PRKAR2A: variants seen among roughly 807,000 people sequenced by gnomAD.
The protein encoded by PRKAR2A is protein kinase cAMP-dependent type II regulatory subunit alpha.
Under a neutral mutation model 51.9 loss-of-function variants are expected in PRKAR2A, and 29 were observed. That is an observed-to-expected ratio of 0.56 (90% CI 0.42 to 0.76). PRKAR2A has a LOEUF of 0.76. Ranked by LOEUF, PRKAR2A falls within the 30% of genes least tolerant of loss-of-function variation. The pLI, the probability that PRKAR2A is intolerant of heterozygous loss-of-function variation, is 0.00. For missense variants in PRKAR2A, 445 were observed against 512.1 expected (o/e 0.87, Z 1.26); for synonymous variants, 178 against 186.2 (o/e 0.96, Z 0.36).
At chr3:48,837,647 A>T (rs778842526) in intron 1 of PRKAR2A, among the ~76,000 whole-genome samples, 1 of 152,232 alleles carries the variant, frequency 6.6e-6, no homozygotes, top group Non-Finnish European at 1.5e-5. Flanking sequence ...TATTCGTAGC[A>T]GCATTATTCA....
chr3:48,847,841 C>A lies in PRKAR2A; in HGVS notation c.-245G>T. The A allele has an allele frequency of 2.8e-6, 1 of 361,170 alleles. No individual in the cohort carries two copies. The highest frequency in any genetic ancestry group is 4.9e-6 in the Non-Finnish European group (1 of 205,388). The allele number at this position is 361,170 out of a possible 1,614,324, so 22.4% of individuals were successfully genotyped here. ...GCCGCCGCGGGGACCGACGGGCAGG[C>A]GAGCTGGACGGGCGGGGCAGGCGTC... On this transcript the variant is annotated 5_prime_UTR_variant, in exon 1 of 11. Transcript: ENST00000265563. This position sits in a 1 kb window ranked among gnomAD's most constrained non-coding sequence, Gnocchi z 4.4.
At chr3:48,835,534 G>A (rs751171284) in intron 1 of PRKAR2A, among the ~76,000 whole-genome samples, 5 of 151,638 alleles carry the variant, frequency 3.3e-5, no homozygotes, top group African/African-American at 7.3e-5. Context: ...CCAGCTACTC[G>A]GGAGGCTGGG....
intron 1 of PRKAR2A, among the ~76,000 whole-genome samples, chr3:48,834,300 C>T (rs931472197): frequency 1.3e-5 from 2 of 152,006 alleles, no homozygotes; most frequent in Admixed American, 6.6e-5. Context: ...AGTAGCTCTC[C>T]TGTGAGGTAG....
In PRKAR2A at chr3:48,847,708, C is replaced by G; in HGVS notation, c.-112G>C. 1 of 1,088,430 alleles carries G rather than the reference C, an allele frequency of 9.2e-7. No individual in the cohort carries two copies. Among genetic ancestry groups the G allele is most frequent in the Non-Finnish European group, 1.2e-6 (1 of 820,344 alleles). 67.4% of individuals were successfully genotyped at this position (1,088,430 alleles called of 1,614,324 possible). On this transcript the variant is annotated 5_prime_UTR_variant, in exon 1 of 11. Transcript: ENST00000265563. The surrounding 1 kb of genome is among the most constrained non-coding windows in gnomAD (Gnocchi z 4.4). ...CCGCGAGGTCTCTTCGCGCACGGCC[C>G]CGGCTCACGTCGCGCCGCTCTTTGG...
chr3:48,768,492 G>A (rs1034299627), intron 6 of PRKAR2A, among the ~76,000 whole-genome samples: 3 of 151,798 alleles, frequency 2.0e-5, no homozygotes, highest in Admixed American at 6.6e-5. Flanking sequence ...GAGGTCAGGA[G>A]TTCGAGACCA....
At chr3:48,836,366 C>A (rs2107454580) in intron 1 of PRKAR2A, among the ~76,000 whole-genome samples, 1 of 142,506 alleles carries the variant, frequency 7.0e-6, no homozygotes, top group South Asian at 2.2e-4. Context: ...TTGCAGTGAG[C>A]CAAGATTGTG....
intron 8 of PRKAR2A, among the ~76,000 whole-genome samples, chr3:48,759,481 G>A (rs1403571810): frequency 6.6e-6 from 1 of 151,926 alleles, no homozygotes; most frequent in Non-Finnish European, 1.5e-5. Context: ...CTACCTCCTG[G>A]GTTCAAGTGA....
intron 4 of PRKAR2A, among the ~76,000 whole-genome samples, chr3:48,788,976 C>A (rs1003786053): frequency 6.6e-6 from 1 of 151,828 alleles, no homozygotes; most frequent in Non-Finnish European, 1.5e-5. Context: ...CTAGGCCCTG[C>A]AGAAACACAC....
chr3:48,760,907 A>C (rs1347118412), intron 8 of PRKAR2A, among the ~76,000 whole-genome samples: 2 of 151,750 alleles, frequency 1.3e-5, no homozygotes, highest in Non-Finnish European at 2.9e-5. Context: ...GTATTGCTTG[A>C]GCCTAGAAGT....
rs530383130 is a variant in PRKAR2A, at chr3:48,756,694, G to A, written c.874-250C>T. Among the ~76,000 whole-genome samples the A allele has an allele frequency of 1.2e-3, 188 of 152,192 alleles. 1 individual carries two copies. The South Asian group carries it at 0.013, about 10-fold the overall frequency. On this transcript the variant is annotated intron_variant, in intron 8 of 10. Coordinates refer to ENST00000265563, the MANE Select transcript of PRKAR2A (RefSeq NM_004157.4). Reference sequence around the variant, plus strand: ...GTCTGAGTCAGGCATGCAGATATACGCGAAGCAGCTTTCAGGCACACTTCA... The same window carrying A: ...GTCTGAGTCAGGCATGCAGATATACACGAAGCAGCTTTCAGGCACACTTCA...
intron 5 of PRKAR2A, among the ~76,000 whole-genome samples, chr3:48,780,794 G>A (rs1360711659): frequency 1.3e-5 from 2 of 151,708 alleles, no homozygotes; most frequent in African/African-American, 4.8e-5. Context: ...TTAAAAATGA[G>A]GAGAATAATT....
At chr3:48,836,874 G>A (rs1242592343) in intron 1 of PRKAR2A, among the ~76,000 whole-genome samples, 1 of 151,720 alleles carries the variant, frequency 6.6e-6, no homozygotes, top group Non-Finnish European at 1.5e-5. Flanking sequence ...GCTCACATCT[G>A]TAATCCCAGC....
intron 5 of PRKAR2A, among the ~76,000 whole-genome samples, chr3:48,782,120 T>C (rs79914959): frequency 1.7e-3 from 252 of 152,318 alleles, no homozygotes; most frequent in Non-Finnish European, 2.4e-3. Flanking sequence ...AGTGAGAGTG[T>C]TTCTTTCAGG....
At chr3:48,775,493 G>A (rs2082092895) in intron 5 of PRKAR2A, among the ~76,000 whole-genome samples, 1 of 149,456 alleles carries the variant, frequency 6.7e-6, no homozygotes, top group African/African-American at 2.5e-5. Flanking sequence ...CTATTGATCG[G>A]CAATAATGGC....
chr3:48,780,184 A>C (rs1215433234), intron 5 of PRKAR2A, among the ~76,000 whole-genome samples: 1 of 151,822 alleles, frequency 6.6e-6, no homozygotes, highest in Non-Finnish European at 1.5e-5. Context: ...AAAAAAACCT[A>C]TTCTGTCATT....
At chr3:48,761,443 T>C (rs1266746277) in intron 8 of PRKAR2A, among the ~76,000 whole-genome samples, 1 of 152,170 alleles carries the variant, frequency 6.6e-6, no homozygotes, top group Non-Finnish European at 1.5e-5. Context: ...TTAGATGTGC[T>C]ATAGATGGAA....
intron 3 of PRKAR2A, among the ~76,000 whole-genome samples, chr3:48,792,680 C>T (rs1191075336): frequency 1.3e-5 from 2 of 151,682 alleles, no homozygotes; most frequent in African/African-American, 4.8e-5. Context: ...AGGCTGGTCT[C>T]GAACTCCTGA....
intron 1 of PRKAR2A, among the ~76,000 whole-genome samples, chr3:48,842,999 C>T (rs2107470552): frequency 6.6e-6 from 1 of 152,188 alleles, no homozygotes; most frequent in East Asian, 1.9e-4. Flanking sequence ...GTACCAGTTC[C>T]TCCTTGTACC....
intron 1 of PRKAR2A, among the ~76,000 whole-genome samples, chr3:48,822,474 A>C (rs894234046): frequency 6.6e-6 from 1 of 152,220 alleles, no homozygotes; most frequent in Non-Finnish European, 1.5e-5. Flanking sequence ...AGAGAAGGAA[A>C]AAATGGCCTC....
Sources: allele counts gnomAD v4.1 joint callset (sites outside exome capture counted in the v4.1 genomes callset), GRCh38; gene constraint gnomAD v4.1.1; non-coding constraint Gnocchi (gnomAD v3.1); transcripts MANE v1.5; gene names NCBI Gene and HGNC (gene_info 2026-07-23, HGNC 2026-07-21).